MAML3: variants seen among roughly 807,000 people sequenced by gnomAD.
MAML3 encodes mastermind like transcriptional coactivator 3.
MAML3 carries 27 observed loss-of-function variants against 101.9 expected under a neutral mutation model. The ratio of observed to expected loss-of-function variants is 0.27; its 90% CI spans 0.20 to 0.37. The LOEUF (loss-of-function observed/expected upper bound fraction) is 0.37. Ranked by LOEUF, MAML3 falls within the 10% of genes least tolerant of loss-of-function variation. The pLI is 1.00. For synonymous variants in MAML3, 501 were observed against 555.9 expected (o/e 0.90, Z 1.39); for missense variants, 1,316 against 1,444.9 (o/e 0.91, Z 1.45).
At chr4:139,962,204 TC>T (rs1228997404) in intron 1 of MAML3, among the ~76,000 whole-genome samples, 1 of 152,090 alleles carries the variant, frequency 6.6e-6, no homozygotes, top group East Asian at 1.9e-4. Context: ...ACTTTCTCTG[TC>T]CAGAGAGTTA....
At chr4:140,039,481 T>C (rs1727045108) in intron 1 of MAML3, among the ~76,000 whole-genome samples, 1 of 152,104 alleles carries the variant, frequency 6.6e-6, no homozygotes, top group African/African-American at 2.4e-5. Flanking sequence ...ATCAGAAGCA[T>C]TACCATTCTC....
chr4:139,884,032 C>T (rs990195927), intron 2 of MAML3, among the ~76,000 whole-genome samples: 1 of 151,842 alleles, frequency 6.6e-6, no homozygotes, highest in Non-Finnish European at 1.5e-5. Flanking sequence ...CAGGCACCTG[C>T]CACCACTCCC....
chr4:140,066,008 T>C (rs980712256), intron 1 of MAML3, among the ~76,000 whole-genome samples: 2 of 152,236 alleles, frequency 1.3e-5, no homozygotes, highest in Admixed American at 1.3e-4. Flanking sequence ...ACCTCTGATA[T>C]GTGCAACTGG....
At chr4:139,736,415 C>G (rs917940267) in intron 2 of MAML3, among the ~76,000 whole-genome samples, 1 of 152,166 alleles carries the variant, frequency 6.6e-6, no homozygotes, top group Admixed American at 6.5e-5. Context: ...GAATCGAACA[C>G]CCACGATGGC....
At chr4:139,838,572 G>A (rs542666565) in intron 2 of MAML3, among the ~76,000 whole-genome samples, 8 of 152,262 alleles carry the variant, frequency 5.3e-5, no homozygotes, top group African/African-American at 1.9e-4. Flanking sequence ...GAGAACAAGA[G>A]ATTCTGAAAG....
chr4:139,948,572 A>G (rs113174383), intron 1 of MAML3, among the ~76,000 whole-genome samples: 43 of 152,366 alleles, frequency 2.8e-4, no homozygotes, highest in African/African-American at 1.0e-3. Flanking sequence ...TTCATGTAAG[A>G]GGATTATGAA....
At chr4:140,038,810 G>A (rs1428705761) in intron 1 of MAML3, among the ~76,000 whole-genome samples, 1 of 152,158 alleles carries the variant, frequency 6.6e-6, no homozygotes, top group African/African-American at 2.4e-5. Flanking sequence ...TGCAACGACA[G>A]GGCAACTTCT....
chr4:139,893,166 G>A (rs1459366301), intron 1 of MAML3, among the ~76,000 whole-genome samples: 1 of 152,108 alleles, frequency 6.6e-6, no homozygotes, highest in Admixed American at 6.5e-5. Flanking sequence ...GCTTCCTTCT[G>A]CCTCTAGGGC....
chr4:139,719,658 G>A lies in MAML3; in HGVS notation c.3082C>T (p.Arg1028Trp), dbSNP rs754306373. 8 of 1,612,906 alleles carry A rather than the reference G, an allele frequency of 5.0e-6. No individual in the cohort carries two copies. Among genetic ancestry groups the A allele is most frequent in the Admixed American group, 1.7e-5 (1 of 59,886 alleles). ...CCCGGGAGCGATGGCATCATCTGCC[G>A]ACCCATGGCAGCTGGGTTGAGGGTC... The part of the protein sequence containing the change: ...VRTLNPAAMG[R>W]QMMPSLPGQQ... Residue 1028 changes from arginine (R) to tryptophan (W), a missense_variant, in exon 5 of 5, where the codon CGG becomes TGG. Transcript: ENST00000509479.
chr4:140,097,077 G>A (rs1428564492), intron 1 of MAML3, among the ~76,000 whole-genome samples: 2 of 151,954 alleles, frequency 1.3e-5, no homozygotes, highest in Non-Finnish European at 2.9e-5. Context: ...CAATACCCTG[G>A]AGAATACATT....
At chr4:140,056,359 C>CT (rs531466780) in intron 1 of MAML3, among the ~76,000 whole-genome samples, 20,234 of 143,650 alleles carry the variant, frequency 0.14, 1,480 homozygotes, top group African/African-American at 0.16. Flanking sequence ...CTTTTCTTTT[C>CT]TTTTTTTTTT....
At chr4:139,742,937 G>A (rs1241708520) in intron 2 of MAML3, among the ~76,000 whole-genome samples, 3 of 152,072 alleles carry the variant, frequency 2.0e-5, no homozygotes, top group Admixed American at 2.0e-4. Context: ...TTAAACATCT[G>A]GGATGTAGCA....
intron 1 of MAML3, among the ~76,000 whole-genome samples, chr4:140,069,927 C>T (rs148246748): frequency 0.053 from 8,082 of 151,882 alleles, 470 homozygotes; most frequent in African/African-American, 0.14. Flanking sequence ...ACCAGCCTGA[C>T]CAAAATGGTG....
intron 2 of MAML3, among the ~76,000 whole-genome samples, chr4:139,800,881 T>C (rs1730591624): frequency 6.6e-6 from 1 of 152,250 alleles, no homozygotes; most frequent in Non-Finnish European, 1.5e-5. Context: ...GTTTGAGCTA[T>C]CCGTGATGTT....
chr4:139,901,460 T>A (rs1732717313), intron 1 of MAML3, among the ~76,000 whole-genome samples: 1 of 152,232 alleles, frequency 6.6e-6, no homozygotes, highest in Non-Finnish European at 1.5e-5. Context: ...CTTAGGAATA[T>A]CTCCTGATAA....
chr4:139,923,868 T>C (rs529875193), intron 1 of MAML3, among the ~76,000 whole-genome samples: 1 of 152,302 alleles, frequency 6.6e-6, no homozygotes, highest in Non-Finnish European at 1.5e-5. Context: ...ACCCTTATTA[T>C]GAAGGAAGAG....
intron 1 of MAML3, among the ~76,000 whole-genome samples, chr4:139,926,430 C>T (rs749450268): frequency 6.6e-6 from 1 of 152,106 alleles, no homozygotes; most frequent in East Asian, 1.9e-4. Context: ...GAAACCCTCT[C>T]TCTACTAAAA....
At chr4:140,071,789 A>AGAGAGAGAGAGAGAGAGAG (rs1553972703) in intron 1 of MAML3, among the ~76,000 whole-genome samples, 3 of 90,428 alleles carry the variant, frequency 3.3e-5, no homozygotes, top group Non-Finnish European at 2.4e-5. Context: ...GAGAGAGAGA[A>AGAGAGAGAGAGAGAGAGAG]GGCACGCATC....
chr4:140,050,583 C>A (rs1313513085), intron 1 of MAML3, among the ~76,000 whole-genome samples: 1 of 152,156 alleles, frequency 6.6e-6, no homozygotes, highest in Admixed American at 6.5e-5. Flanking sequence ...CTGCCGTGGG[C>A]TCCACTGAAC....
Sources: gnomAD v4.1 joint callset for allele counts (sites outside exome capture counted in the v4.1 genomes callset) on GRCh38, gnomAD v4.1.1 for gene constraint, MANE v1.5 for transcripts, NCBI Gene and HGNC (gene_info 2026-07-23, HGNC 2026-07-21) for gene names.